The following TBC1D9 variants were observed in gnomAD, a reference collection of about 807,000 sequenced individuals.
TBC1D9 encodes TBC1 domain family member 9A.
TBC1D9 carries 63 observed loss-of-function variants against 132.0 expected under a neutral mutation model. The ratio of observed to expected loss-of-function variants is 0.48; its 90% CI spans 0.39 to 0.59. The LOEUF is 0.59. Among genes scored for constraint, TBC1D9 ranks in the 20% least tolerant of loss-of-function variants. The pLI is 0.00. For synonymous variants in TBC1D9, 610 were observed against 609.9 expected (o/e 1.00, Z 0.00); for missense variants, 1,261 against 1,592.7 (o/e 0.79, Z 3.54).
intron 2 of TBC1D9, among the ~76,000 whole-genome samples, chr4:140,695,973 G>T (rs1737949265): frequency 6.6e-6 from 1 of 152,186 alleles, no homozygotes; most frequent in Admixed American, 6.5e-5. Context: ...ATGCTTAATT[G>T]TAGGCTAGAA....
chr4:140,732,016 T>A (rs1475682344), intron 1 of TBC1D9, among the ~76,000 whole-genome samples: 1 of 152,122 alleles, frequency 6.6e-6, no homozygotes, highest in South Asian at 2.1e-4. Context: ...TCTGGTGACA[T>A]AGCTCAGAAA....
At position 140,633,979 on chromosome 4, in the gene TBC1D9, C is replaced by A. The variant is rs1736836471; in HGVS notation, c.2715G>T (p.Leu905Phe). The change falls in exon 16 of 21, where the codon TTG becomes TTT. Residue 905 changes from leucine (L) to phenylalanine (F), a missense_variant. Physicochemically the swap from Leu to Phe is conservative, Grantham distance 22 (BLOSUM62 0). This residue lies in a region of TBC1D9 where 618 missense variants were observed against 724.4 expected (regional missense o/e 0.85). Transcript: ENST00000442267. The part of the protein sequence containing the change: ...FQLLDENGDS[L>F]INFREFVSGL... ...CAGAGACAAACTCCCGGAAGTTAAT[C>A]AAAGAGTCTCCATTTTCATCTAATA... The A allele has an allele frequency of 6.2e-7, 1 of 1,613,848 alleles. No homozygotes were observed. The highest frequency in any genetic ancestry group is 8.5e-7 in the Non-Finnish European group (1 of 1,179,908).
intron 13 of TBC1D9, among the ~76,000 whole-genome samples, chr4:140,649,361 T>C (rs1325431339): frequency 6.6e-6 from 1 of 152,234 alleles, no homozygotes; most frequent in African/African-American, 2.4e-5. Flanking sequence ...TGTTTCTGAA[T>C]TTGTGGGGTT....
At chr4:140,715,566 T>C (rs909424389) in intron 1 of TBC1D9, among the ~76,000 whole-genome samples, 6 of 152,228 alleles carry the variant, frequency 3.9e-5, no homozygotes, top group South Asian at 2.1e-4. Flanking sequence ...TTCCACACTA[T>C]AGCAAGTTAT....
chr4:140,738,848 T>C (rs1019602608), intron 1 of TBC1D9, among the ~76,000 whole-genome samples: 6 of 152,196 alleles, frequency 3.9e-5, no homozygotes, highest in African/African-American at 1.4e-4. Flanking sequence ...GAAAACTTTT[T>C]TGAGAAAATC....
chr4:140,685,698 A>C (rs1233975777), intron 3 of TBC1D9, among the ~76,000 whole-genome samples: 2 of 152,170 alleles, frequency 1.3e-5, no homozygotes, highest in African/African-American at 4.8e-5. Flanking sequence ...TTTACATATA[A>C]TGTTAAATAT....
chr4:140,623,548 T>TC (rs1405867276), intron 20 of TBC1D9, among the ~76,000 whole-genome samples: 2 of 152,198 alleles, frequency 1.3e-5, no homozygotes, highest in Non-Finnish European at 2.9e-5. Context: ...CCGAGACTCA[T>TC]CTATTTTCAC....
At chr4:140,670,045 T>G (rs1737511727) in intron 7 of TBC1D9, among the ~76,000 whole-genome samples, 1 of 152,188 alleles carries the variant, frequency 6.6e-6, no homozygotes, top group Admixed American at 6.5e-5. Flanking sequence ...ATGTTTTATA[T>G]GTATATTTGC....
chr4:140,679,173 G>A lies in TBC1D9; in HGVS notation c.620C>T (p.Thr207Ile), dbSNP rs1436008877. ...AKLVIRWVDITQLEKNATLLL... is the reference protein window; with the variant it reads ...AKLVIRWVDIIQLEKNATLLL... ...CAGGGTGGCATTCTTCTCAAGCTGA[G>A]TGATGTCTACCCACCGGATGACCAG... The change falls in exon 5 of 21, where the codon ACT (threonine) becomes ATT (isoleucine). Residue 207 changes from threonine (T) to isoleucine (I), a missense_variant. Coordinates refer to ENST00000442267, the MANE Select transcript of TBC1D9 (RefSeq NM_015130.3). 2 of 1,613,822 alleles carry A rather than the reference G, an allele frequency of 1.2e-6. No homozygotes were observed. The highest frequency in any genetic ancestry group is 3.3e-5 in the Admixed American group (2 of 59,998).
chr4:140,693,364 C>A (rs955980176), intron 2 of TBC1D9, among the ~76,000 whole-genome samples: 1 of 152,164 alleles, frequency 6.6e-6, no homozygotes, highest in African/African-American at 2.4e-5. Context: ...TAAGAAGAAG[C>A]CTGGTTATGA....
At position 140,728,401 on chromosome 4, in the gene TBC1D9, TAA is replaced by T. The variant is rs35141147; in HGVS notation, c.131-26789_131-26788del. ...TTAAAAAATTTTTAACTTTAAATGG[TAA>T]AAAAAAAAAAAAAGTAACAGTTTTA... On this transcript the variant is annotated intron_variant, in intron 1 of 20. Transcript: ENST00000442267. 6.6e-3 allele frequency among the ~76,000 whole-genome samples: 950 copies of T among 142,934 alleles called. 6 individuals are homozygous for T. The highest frequency in any genetic ancestry group is 0.02 in the African/African-American group (792 of 39,952). 93.8% of individuals were successfully genotyped at this position (142,934 alleles called of 152,430 possible). A position where few individuals can be genotyped will look rare whatever the true frequency, so the allele number is the denominator to read the frequency against.
At chr4:140,635,865 A>G (rs1225041870) in intron 15 of TBC1D9, among the ~76,000 whole-genome samples, 1 of 152,162 alleles carries the variant, frequency 6.6e-6, no homozygotes, top group African/African-American at 2.4e-5. Flanking sequence ...AGGGAGGCAG[A>G]AGCTGAGGTC....
chr4:140,702,542 T>G (rs1167928685), intron 1 of TBC1D9, among the ~76,000 whole-genome samples: 1 of 152,178 alleles, frequency 6.6e-6, no homozygotes, highest in South Asian at 2.1e-4. Context: ...CGCACAACCC[T>G]GTTTCTCACT....
chr4:140,626,358 T>C (rs1322083178), intron 18 of TBC1D9, among the ~76,000 whole-genome samples: 1 of 152,210 alleles, frequency 6.6e-6, no homozygotes. Context: ...GACAACACTA[T>C]ACATAGCTAG....
At chr4:140,684,348 G>C (rs1004302049) in intron 3 of TBC1D9, among the ~76,000 whole-genome samples, 2 of 152,058 alleles carry the variant, frequency 1.3e-5, no homozygotes, top group African/African-American at 4.8e-5. Context: ...TTACATTTAT[G>C]ATTTATAAAA....
intron 20 of TBC1D9, among the ~76,000 whole-genome samples, chr4:140,623,392 A>T (rs967351718): frequency 3.9e-5 from 6 of 152,188 alleles, no homozygotes; most frequent in African/African-American, 9.7e-5. Context: ...TTTAATTTGA[A>T]AATTTTCCAA....
intron 1 of TBC1D9, among the ~76,000 whole-genome samples, chr4:140,755,712 G>T (rs1739000214): frequency 6.6e-6 from 1 of 152,138 alleles, no homozygotes; most frequent in Non-Finnish European, 1.5e-5. Flanking sequence ...TACGCTGAGG[G>T]CCCCAAGCCT....
In TBC1D9 at chr4:140,735,721, A is replaced by G. The variant is rs1439245841; in HGVS notation, c.130+20195T>C. Among the ~76,000 whole-genome samples the G allele has an allele frequency of 3.9e-5, 6 of 152,194 alleles. No individual in the cohort carries two copies. In the East Asian group the frequency reaches 1.2e-3, roughly 29 times the overall value. On this transcript the variant is annotated intron_variant, in intron 1 of 20. Coordinates refer to ENST00000442267, the MANE Select transcript of TBC1D9 (RefSeq NM_015130.3). The stretch of plus-strand genomic sequence containing the variant: ...GCAAAACCCTGTCTTAAATAAGTAA[A>G]TAAAAATAAAAGTGTACATGTCAAA...
intron 15 of TBC1D9, 111 bp from the exon 16 acceptor site, chr4:140,634,299 T>C: frequency 6.8e-7 from 1 of 1,476,010 alleles, no homozygotes; most frequent in Non-Finnish European, 9.1e-7. Flanking sequence ...GTGCATCCCC[T>C]GGGGCAGGGC....
Sources: allele counts gnomAD v4.1 joint callset (sites outside exome capture counted in the v4.1 genomes callset), GRCh38; gene constraint gnomAD v4.1.1; regional missense constraint gnomAD v4.1.1; transcripts MANE v1.5; gene names NCBI Gene and HGNC (gene_info 2026-07-23, HGNC 2026-07-21).